Variants in ITPR2 observed in about 807,000 individuals in gnomAD.
ITPR2 encodes inositol 1,4,5-trisphosphate-gated calcium channel ITPR2.
In ITPR2, 207 loss-of-function variants were observed where a neutral mutation model predicts 317.1. The observed-to-expected ratio is 0.65, with a 90% CI of 0.58 to 0.73. The LOEUF (loss-of-function observed/expected upper bound fraction) is 0.73. ITPR2 is among the 30% of genes least tolerant of loss of function. ITPR2 has a pLI of 0.00. For missense variants in ITPR2, 2,613 were observed against 3,284.0 expected (o/e 0.80, Z 4.99); for synonymous variants, 1,156 against 1,149.1 (o/e 1.01, Z -0.12).
At chr12:26,567,969 T>TATATATTATATA (rs1491378302) in intron 34 of ITPR2, among the ~76,000 whole-genome samples, 1 of 14,390 alleles carries the variant, frequency 6.9e-5, no homozygotes, top group African/African-American at 2.1e-4. Flanking sequence ...TATATATATA[T>TATATATTATATA]TATATATATT....
At chr12:26,461,936 C>T (rs11048535) in intron 45 of ITPR2, among the ~76,000 whole-genome samples, 82,219 of 149,010 alleles carry the variant, frequency 0.55, 25,867 homozygotes, top group Non-Finnish European at 0.7. Flanking sequence ...AACTATTTCC[C>T]TTTCCGAAGC....
intron 14 of ITPR2, 30 bp downstream of exon 14, chr12:26,665,880 T>C (rs779013919): frequency 3.2e-6 from 5 of 1,581,058 alleles, no homozygotes; most frequent in South Asian, 1.1e-5. Context: ...GAAAATAAAA[T>C]ATACAAATTT....
chr12:26,468,309 T>C (rs537131142), intron 45 of ITPR2, among the ~76,000 whole-genome samples: 30 of 152,222 alleles, frequency 2.0e-4, no homozygotes, highest in African/African-American at 7.0e-4. Flanking sequence ...GAAGATATTA[T>C]AGGGCCTGTT....
intron 2 of ITPR2, among the ~76,000 whole-genome samples, chr12:26,754,028 T>C (rs1166522619): frequency 6.6e-6 from 1 of 152,190 alleles, no homozygotes; most frequent in African/African-American, 2.4e-5. Context: ...GTGTGTGATG[T>C]TTATATATGA....
intron 1 of ITPR2, among the ~76,000 whole-genome samples, chr12:26,827,434 G>A (rs903981426): frequency 6.6e-6 from 1 of 152,110 alleles, no homozygotes; most frequent in Non-Finnish European, 1.5e-5. Flanking sequence ...CAAACAGACT[G>A]ATAAATCAAC....
At chr12:26,651,959 T>G (rs1947266260) in intron 21 of ITPR2, among the ~76,000 whole-genome samples, 4 of 152,230 alleles carry the variant, frequency 2.6e-5, no homozygotes, top group African/African-American at 9.6e-5. Flanking sequence ...ACCTGCAACC[T>G]TGTTCATCCC....
At chr12:26,704,272 T>C (rs559330308) in intron 9 of ITPR2, among the ~76,000 whole-genome samples, 25 of 152,338 alleles carry the variant, frequency 1.6e-4, no homozygotes, top group African/African-American at 5.3e-4. Context: ...TGTTAAAATA[T>C]TCTAATAATC....
intron 37 of ITPR2, among the ~76,000 whole-genome samples, chr12:26,525,179 G>C (rs1329717522): frequency 6.6e-6 from 1 of 152,118 alleles, no homozygotes; most frequent in Non-Finnish European, 1.5e-5. Flanking sequence ...ACCATGAGGA[G>C]AGTGTGGGCA....
In ITPR2 at chr12:26,662,430, A is replaced by G. The variant is rs1947523779; in HGVS notation, c.1713+1255T>C. On this transcript the variant is annotated intron_variant, in intron 15 of 56. Transcript: ENST00000381340. Reference sequence around the variant, plus strand: ...ACAATAAATACTACTAACTCTTCCCAAATAACCTCCACCTTCTAGGATTGA... The same window carrying G: ...ACAATAAATACTACTAACTCTTCCCGAATAACCTCCACCTTCTAGGATTGA... Among the ~76,000 whole-genome samples, 4 of 152,224 alleles carry G rather than the reference A, an allele frequency of 2.6e-5. No individual in the cohort carries two copies. The South Asian group carries it at 8.3e-4, about 32-fold the overall frequency.
At chr12:26,371,195 C>A (rs1246310054) in intron 55 of ITPR2, among the ~76,000 whole-genome samples, 1 of 152,196 alleles carries the variant, frequency 6.6e-6, no homozygotes, top group Non-Finnish European at 1.5e-5. Flanking sequence ...TAAAAGTATT[C>A]TTCAAGTCAC....
chr12:26,501,904 A>G (rs973823428), intron 37 of ITPR2, among the ~76,000 whole-genome samples: 2 of 152,234 alleles, frequency 1.3e-5, no homozygotes, highest in Non-Finnish European at 2.9e-5. Context: ...TCCTCACCAG[A>G]CCATTTGATT....
chr12:26,503,425 T>C (rs920560996), intron 37 of ITPR2, among the ~76,000 whole-genome samples: 29 of 152,308 alleles, frequency 1.9e-4, no homozygotes, highest in African/African-American at 6.7e-4. Context: ...ATCCATGGAA[T>C]AGAGGAGTTC....
intron 37 of ITPR2, among the ~76,000 whole-genome samples, chr12:26,518,144 A>G (rs146778499): frequency 9.2e-5 from 14 of 152,372 alleles, no homozygotes; most frequent in African/African-American, 3.4e-4. Context: ...TGGAATGGAT[A>G]AAGAAAATGT....
intron 54 of ITPR2, among the ~76,000 whole-genome samples, chr12:26,392,391 C>T (rs974462655): frequency 1.3e-5 from 2 of 152,200 alleles, no homozygotes; most frequent in East Asian, 1.9e-4. Flanking sequence ...CATCTACTCT[C>T]TTTTCTGCCT....
intron 26 of ITPR2, among the ~76,000 whole-genome samples, chr12:26,606,466 T>C (rs1405883160): frequency 6.6e-6 from 1 of 150,954 alleles, no homozygotes; most frequent in Non-Finnish European, 1.5e-5. Context: ...AGACCAAGAA[T>C]AGTCTAGAAA....
At chr12:26,477,891 A>G (rs1942453643) in intron 43 of ITPR2, among the ~76,000 whole-genome samples, 1 of 152,198 alleles carries the variant, frequency 6.6e-6, no homozygotes, top group Non-Finnish European at 1.5e-5. Context: ...GAAATTAAAT[A>G]TCCAGGATTT....
chr12:26,549,454 A>G (rs1192335328), intron 37 of ITPR2, among the ~76,000 whole-genome samples: 3 of 152,176 alleles, frequency 2.0e-5, no homozygotes, highest in Non-Finnish European at 4.4e-5. Flanking sequence ...ACATAAAGTA[A>G]TACATAAAAT....
intron 2 of ITPR2, among the ~76,000 whole-genome samples, chr12:26,788,106 G>C (rs1950288209): frequency 6.6e-6 from 1 of 151,346 alleles, no homozygotes; most frequent in Non-Finnish European, 1.5e-5. Flanking sequence ...ATTTTTAGTA[G>C]AGACAGGGTT....
At chr12:26,756,145 G>A (rs1010840080) in intron 2 of ITPR2, among the ~76,000 whole-genome samples, 8 of 152,166 alleles carry the variant, frequency 5.3e-5, no homozygotes, top group African/African-American at 1.9e-4. Flanking sequence ...ACCATGATTT[G>A]TCTTTAGTAA....
Sources: gnomAD v4.1 joint callset for allele counts (sites outside exome capture counted in the v4.1 genomes callset) on GRCh38, gnomAD v4.1.1 for gene constraint, MANE v1.5 for transcripts, NCBI Gene and HGNC (gene_info 2026-07-23, HGNC 2026-07-21) for gene names.